Variants in STYK1 observed in about 807,000 individuals in gnomAD.
The protein encoded by STYK1 is tyrosine-protein kinase STYK1.
STYK1 carries 46 observed loss-of-function variants against 48.1 expected under a neutral mutation model. The observed-to-expected ratio is 0.96, with a 90% CI of 0.75 to 1.22. The LOEUF is 1.22. Ranked by LOEUF, STYK1 falls within the 50% of genes most tolerant of loss-of-function variation. The probability of loss-of-function intolerance (pLI) is 0.00; values close to 1 mark genes in which losing one functional copy is unlikely to be tolerated. For synonymous variants in STYK1, 188 were observed against 189.0 expected, an observed-to-expected ratio of 0.99 and a Z score of 0.04; for missense variants, 527 against 521.1, an observed-to-expected ratio of 1.01 and a Z score of -0.11.
chr12:10,666,469 C>T (rs1186258880), intron 1 of STYK1, among the ~76,000 whole-genome samples: 2 of 152,226 alleles, frequency 1.3e-5, no homozygotes, highest in Non-Finnish European at 2.9e-5. Context: ...CTGGTTAAAT[C>T]ATTCAATGTC....
chr12:10,629,390 A>T, intron 6 of STYK1, 103 bp downstream of exon 6: 1 of 1,214,414 alleles, frequency 8.2e-7, no homozygotes, highest in Non-Finnish European at 1.2e-6. Flanking sequence ...TCATGCTATT[A>T]TAGTGTCTCT....
At chr12:10,657,415 T>A (rs1353117984) in intron 1 of STYK1, among the ~76,000 whole-genome samples, 1 of 152,246 alleles carries the variant, frequency 6.6e-6, no homozygotes, top group Non-Finnish European at 1.5e-5. Context: ...TTAAAAATAA[T>A]AAGCACTTAA....
intron 1 of STYK1, among the ~76,000 whole-genome samples, chr12:10,664,618 C>A (rs1014208862): frequency 2.6e-4 from 40 of 152,080 alleles, no homozygotes; most frequent in African/African-American, 8.5e-4. Flanking sequence ...CTTTATTGTC[C>A]GTCTGTTTGT....
Position 10,619,828 on chromosome 12 carries a change from G to C in STYK1, c.*316C>G. 2.4e-6 allele frequency: 1 copy of C among 419,474 alleles called. No individual in the cohort carries two copies. The highest frequency in any genetic ancestry group is 3.4e-5 in the East Asian group (1 of 29,348). 26.0% of individuals were successfully genotyped at this position (419,474 alleles called of 1,614,324 possible). ...TCCAGAGGAAACTAGCCTCGGACGG[G>C]AGGGATGAGCTTATTTGTGCCATGC... is the stretch of plus-strand genomic sequence containing the variant. On this transcript the variant is annotated 3_prime_UTR_variant, in exon 11 of 11. Coordinates refer to ENST00000075503, the MANE Select transcript of STYK1 (RefSeq NM_018423.3).
chr12:10,664,375 C>T (rs921726652), intron 1 of STYK1, among the ~76,000 whole-genome samples: 1 of 152,112 alleles, frequency 6.6e-6, no homozygotes, highest in Non-Finnish European at 1.5e-5. Flanking sequence ...TCCCTAGGCA[C>T]CCAAAATATG....
intron 1 of STYK1, among the ~76,000 whole-genome samples, chr12:10,654,040 C>A (rs1947691144): frequency 6.6e-6 from 1 of 152,166 alleles, no homozygotes; most frequent in Admixed American, 6.5e-5. Flanking sequence ...CCACCTAAAC[C>A]AAGATGGCCA....
Position 10,627,736 on chromosome 12 carries a change from G to A in STYK1, c.634-12C>T, listed in dbSNP as rs779753225. ...ATAGTCATCACATCCTAAAGAGACA[G>A]GGAAAAAAAGCCATTATATCAAAAT... is the stretch of plus-strand genomic sequence containing the variant. On this transcript the variant is annotated splice_polypyrimidine_tract_variant and intron_variant, in intron 6 of 10. Transcript: ENST00000075503. 6 of 1,592,002 alleles carry A rather than the reference G, an allele frequency of 3.8e-6. No homozygotes were observed. The highest frequency in any genetic ancestry group is 3.7e-5 in the Admixed American group (2 of 54,120).
intron 8 of STYK1, among the ~76,000 whole-genome samples, 170 bp from the exon 9 acceptor site, chr12:10,622,848 CA>C (rs2120593358): frequency 6.6e-6 from 1 of 152,286 alleles, no homozygotes; most frequent in South Asian, 2.1e-4. Flanking sequence ...CATTTCTGCT[CA>C]ATTTCCATAG....
chr12:10,659,963 C>A (rs1176051551), intron 1 of STYK1, among the ~76,000 whole-genome samples: 2 of 152,106 alleles, frequency 1.3e-5, no homozygotes, highest in Admixed American at 1.3e-4. Context: ...CTGCTTATTC[C>A]TGTAAATCAA....
At chr12:10,654,019 C>G (rs1264103335) in intron 1 of STYK1, among the ~76,000 whole-genome samples, 1 of 152,142 alleles carries the variant, frequency 6.6e-6, no homozygotes, top group East Asian at 1.9e-4. Flanking sequence ...AGTAAAGAAG[C>G]CAGCCAAAAC....
chr12:10,658,526 T>C (rs920268592), intron 1 of STYK1, among the ~76,000 whole-genome samples: 14 of 152,194 alleles, frequency 9.2e-5, no homozygotes, highest in Admixed American at 2.6e-4. Flanking sequence ...TACGGTGACC[T>C]GAGATTCTAT....
intron 3 of STYK1, 132 bp from the exon 4 acceptor site, chr12:10,634,256 T>G: frequency 9.3e-7 from 1 of 1,077,800 alleles, no homozygotes; most frequent in Non-Finnish European, 1.3e-6. Context: ...CTCCTCTACT[T>G]CCATTCAACA....
At chr12:10,670,657 C>G in intron 1 of STYK1, among the ~76,000 whole-genome samples, 1 of 151,410 alleles carries the variant, frequency 6.6e-6, no homozygotes, top group East Asian at 1.9e-4. Flanking sequence ...GTCAAGAGAT[C>G]TATTGTACAA....
At chr12:10,643,813 C>T (rs998594786) in intron 1 of STYK1, among the ~76,000 whole-genome samples, 1 of 152,070 alleles carries the variant, frequency 6.6e-6, no homozygotes, top group African/African-American at 2.4e-5. Flanking sequence ...TGGGCCTGGA[C>T]AGTAACAAGA....
At chr12:10,649,806 C>T (rs148066366) in intron 1 of STYK1, among the ~76,000 whole-genome samples, 240 of 152,224 alleles carry the variant, frequency 1.6e-3, no homozygotes, top group African/African-American at 5.4e-3. Context: ...AAAGTACAAC[C>T]GTTAAATCAA....
At chr12:10,634,210 G>A in intron 3 of STYK1, 86 bp from the exon 4 acceptor site, 1 of 1,461,858 alleles carries the variant, frequency 6.8e-7, no homozygotes, top group Non-Finnish European at 9.3e-7. Context: ...CCAGCTCTCA[G>A]CTCATCATAC....
rs767475496 is a variant in STYK1, at chr12:10,627,628, T to C, written c.717+13A>G. ...AACGTCACACCATCAGTTGTCATGT[T>C]GCCTCATCTTACCAGCGCCAAAAGG... On this transcript the variant is annotated intron_variant, in intron 7 of 10. Coordinates refer to ENST00000075503, the MANE Select transcript of STYK1 (RefSeq NM_018423.3). 8.0e-5 allele frequency: 128 copies of C among 1,608,524 alleles called. No homozygotes were observed. The South Asian group carries it at 1.3e-3, about 17-fold the overall frequency.
At position 10,620,284 on chromosome 12, in the gene STYK1, G is replaced by A. The variant is rs750078425; in HGVS notation, c.1129C>T (p.Arg377Cys). ...EADRPSPREL[R>C]LRLEAAIKTA... Reference sequence around the variant, plus strand: ...TTAATGGCAGCTTCTAGGCGCAAGCGCAGCTCTCTAGGTGAGGGGCGGTCA... The same window carrying A: ...TTAATGGCAGCTTCTAGGCGCAAGCACAGCTCTCTAGGTGAGGGGCGGTCA... Residue 377 changes from arginine (R) to cysteine (C), a missense_variant, in exon 11 of 11, where the codon CGC (arginine) becomes TGC (cysteine). By Grantham distance (180) the Arg-to-Cys change is radical (BLOSUM62 -3). Coordinates refer to ENST00000075503, the MANE Select transcript of STYK1 (RefSeq NM_018423.3). 75 of 1,614,050 alleles carry A rather than the reference G, an allele frequency of 4.6e-5. No individual in the cohort carries two copies. The Middle Eastern group carries it at 6.7e-4, about 14-fold the overall frequency.
intron 7 of STYK1, among the ~76,000 whole-genome samples, chr12:10,626,728 C>T (rs565923658): frequency 5.7e-4 from 87 of 152,186 alleles, no homozygotes; most frequent in African/African-American, 2.0e-3. Context: ...TGTTTTAGGC[C>T]GGGCACGGTG....
Sources: allele counts gnomAD v4.1 joint callset (sites outside exome capture counted in the v4.1 genomes callset), GRCh38; gene constraint gnomAD v4.1.1; transcripts MANE v1.5; gene names NCBI Gene and HGNC (gene_info 2026-07-23, HGNC 2026-07-21).